Variants in CTTNBP2 observed in about 807,000 individuals in gnomAD.
CTTNBP2 encodes the protein cortactin binding protein 2, also known as cortactin-binding protein 2.
CTTNBP2 carries 108 observed loss-of-function variants against 156.9 expected under a neutral mutation model. The ratio of observed to expected loss-of-function variants is 0.69; its 90% CI spans 0.59 to 0.81. The LOEUF (loss-of-function observed/expected upper bound fraction) is 0.81, where lower values mean the gene tolerates loss of function less well. Among genes scored for constraint, CTTNBP2 ranks in the 30% least tolerant of loss-of-function variants. CTTNBP2 has a pLI of 0.00. For synonymous variants in CTTNBP2, 767 were observed against 751.8 expected (o/e 1.02, Z -0.33); for missense variants, 1,924 against 2,035.4 (o/e 0.95, Z 1.05).
At chr7:117,811,468 T>C (rs929346043) in intron 2 of CTTNBP2, among the ~76,000 whole-genome samples, 2 of 152,044 alleles carry the variant, frequency 1.3e-5, no homozygotes, top group African/African-American at 4.8e-5. Context: ...ACCCAGCTAA[T>C]TTTTTTGATT....
intron 12 of CTTNBP2, among the ~76,000 whole-genome samples, chr7:117,749,510 G>A (rs1796513582): frequency 6.6e-6 from 1 of 152,142 alleles, no homozygotes; most frequent in Non-Finnish European, 1.5e-5. Context: ...TGCTTAAAGA[G>A]AATCCACCAC....
chr7:117,716,193 A>AACTT (rs148150566), intron 22 of CTTNBP2, among the ~76,000 whole-genome samples: 10 of 124,010 alleles, frequency 8.1e-5, no homozygotes, highest in Admixed American at 1.6e-4. Flanking sequence ...TTTAAAAAAT[A>AACTT]TCTTAAACAA....
intron 4 of CTTNBP2, among the ~76,000 whole-genome samples, chr7:117,785,857 A>C (rs1397863550): frequency 6.6e-6 from 1 of 152,214 alleles, no homozygotes; most frequent in African/African-American, 2.4e-5. Context: ...AGATCTTGCC[A>C]TATTTACCTG....
intron 14 of CTTNBP2, among the ~76,000 whole-genome samples, chr7:117,743,805 A>C (rs1243548976): frequency 6.8e-6 from 1 of 148,056 alleles, no homozygotes; most frequent in East Asian, 2.0e-4. Flanking sequence ...TAGGGCCACC[A>C]GTGTAAGAGC....
At chr7:117,785,341 G>T (rs1486602518) in intron 4 of CTTNBP2, among the ~76,000 whole-genome samples, 1 of 152,142 alleles carries the variant, frequency 6.6e-6, no homozygotes, top group Non-Finnish European at 1.5e-5. Flanking sequence ...TGATCAAAAG[G>T]CTGTAAAAAC....
At chr7:117,756,503 T>A (rs1796890583) in intron 12 of CTTNBP2, 52 bp downstream of exon 12, 2 of 1,420,676 alleles carry the variant, frequency 1.4e-6, no homozygotes, top group Non-Finnish European at 2.0e-6. Flanking sequence ...CACCCAATTT[T>A]CCAGTGGCAG....
chr7:117,864,698 T>TCATATATA (rs1563077613), intron 1 of CTTNBP2, among the ~76,000 whole-genome samples: 7 of 120,618 alleles, frequency 5.8e-5, no homozygotes, highest in Non-Finnish European at 9.7e-5. Flanking sequence ...TCATATATAT[T>TCATATATA]CATATATTCA....
At chr7:117,731,529 A>T (rs1795399338) in intron 16 of CTTNBP2, among the ~76,000 whole-genome samples, 1 of 152,228 alleles carries the variant, frequency 6.6e-6, no homozygotes, top group South Asian at 2.1e-4. Context: ...TCCCCAGGCC[A>T]GGGGCCAATG....
In CTTNBP2 at chr7:117,777,638, A is replaced by G; in HGVS notation, c.2651T>C (p.Phe884Ser). The change falls in exon 8 of 23, where the codon TTT becomes TCT. Residue 884 changes from phenylalanine (F) to serine (S), a missense_variant. Physicochemically the swap from Phe to Ser is radical, Grantham distance 155 (BLOSUM62 -2). Coordinates refer to ENST00000160373, the MANE Select transcript of CTTNBP2 (RefSeq NM_033427.3). Reference sequence around the variant, plus strand: ...ACTCTCTTCTCCTCCATCCAAGTCAAAGACACTTGACTCGGACTCCTCCTC... The same window carrying G: ...ACTCTCTTCTCCTCCATCCAAGTCAGAGACACTTGACTCGGACTCCTCCTC... The part of the protein sequence containing the change: ...FNEEESESSV[F>S]DLDGGEESPE... 6.2e-7 allele frequency: 1 copy of G among 1,614,130 alleles called. No homozygotes were observed. Among genetic ancestry groups the G allele is most frequent in the Non-Finnish European group, 8.5e-7 (1 of 1,180,004 alleles).
chr7:117,815,368 A>G (rs1193096032), intron 2 of CTTNBP2, among the ~76,000 whole-genome samples: 1 of 152,164 alleles, frequency 6.6e-6, no homozygotes, highest in Non-Finnish European at 1.5e-5. Flanking sequence ...TCCCACTAAT[A>G]ACTAATTTTA....
chr7:117,845,219 T>A (rs913774116), intron 2 of CTTNBP2, among the ~76,000 whole-genome samples: 1 of 152,032 alleles, frequency 6.6e-6, no homozygotes, highest in African/African-American at 2.4e-5. Context: ...GTTCATGGGG[T>A]CTAAGAGGAG....
At chr7:117,741,897 C>T (rs1351343731) in intron 14 of CTTNBP2, among the ~76,000 whole-genome samples, 2 of 152,122 alleles carry the variant, frequency 1.3e-5, no homozygotes, top group Non-Finnish European at 2.9e-5. Context: ...TCAGAAAATT[C>T]ACCAATTTAT....
intron 1 of CTTNBP2, among the ~76,000 whole-genome samples, chr7:117,864,965 AATATATATTC>A (rs1342003124): frequency 2.7e-5 from 4 of 146,366 alleles, no homozygotes; most frequent in Admixed American, 6.9e-5. Context: ...ATATTCATTC[AATATATATTC>A]ATATATATTC....
chr7:117,758,857 T>G (rs183240898), intron 10 of CTTNBP2, among the ~76,000 whole-genome samples: 15 of 152,330 alleles, frequency 9.8e-5, no homozygotes, highest in Admixed American at 9.8e-4. Context: ...ACTGCAATAA[T>G]CAAGCCTTAG....
intron 1 of CTTNBP2, chr7:117,871,872 A>C (rs1162791948): frequency 5.4e-6 from 5 of 921,104 alleles, no homozygotes; most frequent in Non-Finnish European, 6.4e-6. Context: ...ACACACACAC[A>C]CACCCTCTTT....
rs999860222 is a variant in CTTNBP2, at chr7:117,730,922, T to C, written c.3877-2655A>G. On this transcript the variant is annotated intron_variant, in intron 16 of 22. Coordinates refer to ENST00000160373, the MANE Select transcript of CTTNBP2 (RefSeq NM_033427.3). ...TAGGATGAGAGAATCATATATTGGGTATTTTTAAATACTTGAAATGTTTAC... is the reference window on the plus strand; with the variant it reads ...TAGGATGAGAGAATCATATATTGGGCATTTTTAAATACTTGAAATGTTTAC... 3.3e-5 allele frequency among the ~76,000 whole-genome samples: 5 copies of C among 152,316 alleles called. 1 individual carries two copies. The South Asian group carries it at 1.0e-3, about 32-fold the overall frequency.
At chr7:117,749,209 A>G (rs139239987) in intron 12 of CTTNBP2, among the ~76,000 whole-genome samples, 1 of 152,224 alleles carries the variant, frequency 6.6e-6, no homozygotes, top group East Asian at 1.9e-4. Flanking sequence ...TTAATTTGTT[A>G]TTATTCGTTT....
rs1802263860 is a variant in CTTNBP2 at position 117,841,328 on chromosome 7, A to C, written c.189+19881T>G. On this transcript the variant is annotated intron_variant, in intron 2 of 22. Coordinates refer to ENST00000160373, the MANE Select transcript of CTTNBP2 (RefSeq NM_033427.3). The stretch of plus-strand genomic sequence containing the variant: ...AATAATGTTTACTATTATTAAGAAA[A>C]TTGTTTTGAACTCATGGACTACTTG... Among the ~76,000 whole-genome samples the C allele has an allele frequency of 2.0e-5, 3 of 152,154 alleles. No individual in the cohort carries two copies. In the South Asian group the frequency reaches 6.2e-4, roughly 32 times the overall value.
intron 2 of CTTNBP2, among the ~76,000 whole-genome samples, chr7:117,859,051 T>C (rs955357156): frequency 6.6e-6 from 1 of 152,190 alleles, no homozygotes; most frequent in Non-Finnish European, 1.5e-5. Context: ...ATATATTGAG[T>C]ACATCATATT....
Sources: allele counts gnomAD v4.1 joint callset (sites outside exome capture counted in the v4.1 genomes callset), GRCh38; gene constraint gnomAD v4.1.1; transcripts MANE v1.5; gene names NCBI Gene and HGNC (gene_info 2026-07-23, HGNC 2026-07-21).